Variants in NCK2 observed in about 807,000 individuals in gnomAD.
NCK2 encodes the protein cytoplasmic protein NCK2.
NCK2 carries 16 observed loss-of-function variants against 33.9 expected under a neutral mutation model. That is an observed-to-expected ratio of 0.47 (90% CI 0.32 to 0.72). The LOEUF (loss-of-function observed/expected upper bound fraction) is 0.72, where lower values mean the gene tolerates loss of function less well. NCK2 is among the 30% of genes least tolerant of loss of function. The pLI, the probability that NCK2 is intolerant of heterozygous loss-of-function variation, is 0.03. For synonymous variants in NCK2, 273 were observed against 239.9 expected (o/e 1.14, Z -1.27); for missense variants, 418 against 537.3 (o/e 0.78, Z 2.19).
intron 1 of NCK2, among the ~76,000 whole-genome samples, 179 bp downstream of exon 1, chr2:105,745,317 G>T (rs954469231): frequency 1.3e-5 from 2 of 151,692 alleles, no homozygotes; most frequent in African/African-American, 2.4e-5. Context: ...CCCCGACCGC[G>T]GACTGCCGGG....
intron 1 of NCK2, among the ~76,000 whole-genome samples, chr2:105,799,124 G>A (rs533368368): frequency 6.6e-6 from 1 of 152,108 alleles, no homozygotes; most frequent in Non-Finnish European, 1.5e-5. Context: ...TGTCCTTCGT[G>A]TCCTAAGTTG....
intron 2 of NCK2, among the ~76,000 whole-genome samples, chr2:105,828,575 T>C (rs2104515581): frequency 6.6e-6 from 1 of 152,332 alleles, no homozygotes; most frequent in Non-Finnish European, 1.5e-5. Context: ...TAGAAGGCTC[T>C]GCAAATCATG....
chr2:105,816,649 C>A (rs1029226856), intron 2 of NCK2, 36 bp downstream of exon 2: 2 of 152,194 alleles, frequency 1.3e-5, no homozygotes, highest in African/African-American at 4.8e-5. Flanking sequence ...ACAGAAGTTG[C>A]AGCTTTTTGC....
intron 2 of NCK2, among the ~76,000 whole-genome samples, chr2:105,835,984 C>A (rs912319011): frequency 1.3e-5 from 2 of 150,758 alleles, no homozygotes; most frequent in African/African-American, 2.5e-5. Flanking sequence ...TGATAAATAT[C>A]TCTGTTGAAT....
At chr2:105,887,628 G>A (rs958984471) in intron 4 of NCK2, among the ~76,000 whole-genome samples, 2 of 152,206 alleles carry the variant, frequency 1.3e-5, no homozygotes, top group African/African-American at 4.8e-5. Flanking sequence ...TGACTATTGT[G>A]CTTAGAAGAA....
chr2:105,778,592 C>T (rs1250876657), intron 1 of NCK2, among the ~76,000 whole-genome samples: 1 of 152,254 alleles, frequency 6.6e-6, no homozygotes, highest in East Asian at 1.9e-4. Flanking sequence ...ATGCTGGTGG[C>T]TGCGTGAACC....
Position 105,894,020 on chromosome 2 carries a change from C to CACACTA in NCK2, c.*844_*845insACACTA, listed in dbSNP as rs1553464584. On this transcript the variant is annotated 3_prime_UTR_variant, in exon 5 of 5. Transcript: ENST00000233154. Reference sequence around the variant, plus strand: ...ACGTGCACACACACACACACACACACTATATATATATATATTATTTACAGG... The same window carrying CACACTA: ...ACGTGCACACACACACACACACACACACACTATATATATATATATATTATTTACAGG... The CACACTA allele has an allele frequency of 3.4e-4, 29 of 85,724 alleles. No homozygotes were observed. Among genetic ancestry groups the CACACTA allele is most frequent in the Non-Finnish European group, 5.1e-4 (19 of 37,118 alleles). 5.3% of individuals were successfully genotyped at this position (85,724 alleles called of 1,614,324 possible). A position where few individuals can be genotyped will look rare whatever the true frequency, so the allele number is the denominator to read the frequency against.
intron 4 of NCK2, among the ~76,000 whole-genome samples, chr2:105,892,365 G>A (rs1274003171): frequency 6.6e-6 from 1 of 152,194 alleles, no homozygotes; most frequent in East Asian, 1.9e-4. Context: ...GGGCAACACT[G>A]TATATTCCAT....
At chr2:105,817,019 G>A (rs529373796) in intron 2 of NCK2, among the ~76,000 whole-genome samples, 1 of 152,122 alleles carries the variant, frequency 6.6e-6, no homozygotes, top group South Asian at 2.1e-4. Context: ...ATAAATCTGT[G>A]TCAAAGGATA....
In NCK2 at chr2:105,881,536, C is replaced by T. The variant is rs1490413136; in HGVS notation, c.435C>T (p.Ser145=). Residue 145 remains serine, a synonymous_variant, in exon 4 of 5, where the codon AGC becomes AGT. Coordinates refer to ENST00000233154, the MANE Select transcript of NCK2 (RefSeq NM_003581.5). ...GCGTCACCGTCATGGAGAAGTGCAG[C>T]GACGGTTGGTGGCGGGGCAGCTACA... ...GSRVTVMEKC[S]DGWWRGSYNG... The T allele has an allele frequency of 3.1e-6, 5 of 1,613,924 alleles. No individual in the cohort carries two copies. Among genetic ancestry groups the T allele is most frequent in the Admixed American group, 1.7e-5 (1 of 60,014 alleles).
rs1325735039 is a variant in NCK2, at chr2:105,828,437, T to C, written c.-17+11824T>C. On this transcript the variant is annotated intron_variant, in intron 2 of 4. Coordinates refer to ENST00000233154, the MANE Select transcript of NCK2 (RefSeq NM_003581.5). Reference sequence around the variant, plus strand: ...TAAAAAATGGCACTGACCACAAGAATACTACAATTAAAGCCCCATGACAGC... The same window carrying C: ...TAAAAAATGGCACTGACCACAAGAACACTACAATTAAAGCCCCATGACAGC... Among the ~76,000 whole-genome samples, 4 of 152,140 alleles carry C rather than the reference T, an allele frequency of 2.6e-5. No individual in the cohort carries two copies. The East Asian group carries it at 7.7e-4, about 29-fold the overall frequency.
intron 1 of NCK2, among the ~76,000 whole-genome samples, chr2:105,794,695 TTTTA>T (rs72401438): frequency 0.79 from 116,744 of 148,132 alleles, 46,250 homozygotes; most frequent in Middle Eastern, 0.88. Context: ...TAGTTTATTA[TTTTA>T]TTTATTTATT....
At chr2:105,865,596 G>T (rs1558876711) in intron 3 of NCK2, among the ~76,000 whole-genome samples, 1 of 152,190 alleles carries the variant, frequency 6.6e-6, no homozygotes, top group East Asian at 1.9e-4. Context: ...CTGGACCCTA[G>T]GGATTCACGT....
chr2:105,843,336 G>A (rs1676721081), intron 2 of NCK2, among the ~76,000 whole-genome samples: 1 of 151,242 alleles, frequency 6.6e-6, no homozygotes, highest in Non-Finnish European at 1.5e-5. Context: ...GAGCATTTTG[G>A]ATTTTGGAGT....
chr2:105,750,033 A>AAAAAACAC (rs1689403035), intron 1 of NCK2, among the ~76,000 whole-genome samples: 2 of 44,220 alleles, frequency 4.5e-5, no homozygotes, highest in Non-Finnish European at 1.1e-4. Context: ...CTCAAAAGCA[A>AAAAAACAC]ACAAACACAC....
intron 1 of NCK2, among the ~76,000 whole-genome samples, chr2:105,784,608 A>G (rs915084728): frequency 6.6e-6 from 1 of 152,208 alleles, no homozygotes; most frequent in African/African-American, 2.4e-5. Context: ...CATTTCTATA[A>G]TAATCACATT....
intron 1 of NCK2, among the ~76,000 whole-genome samples, chr2:105,791,468 T>C (rs714068): frequency 0.81 from 123,306 of 152,172 alleles, 50,177 homozygotes; most frequent in East Asian, 0.89. Flanking sequence ...CTCGCCCCGT[T>C]GCCGTGCTTA....
At chr2:105,768,499 A>G (rs915838411) in intron 1 of NCK2, among the ~76,000 whole-genome samples, 10 of 152,170 alleles carry the variant, frequency 6.6e-5, no homozygotes, top group African/African-American at 2.4e-4. Context: ...TGGGGTTCCC[A>G]TGACCTCACT....
intron 1 of NCK2, among the ~76,000 whole-genome samples, chr2:105,786,147 A>G (rs1175035730): frequency 6.6e-6 from 1 of 152,232 alleles, no homozygotes; most frequent in Non-Finnish European, 1.5e-5. Context: ...TGTTGTGTCT[A>G]GGGCAGCATG....
Sources: gnomAD v4.1 joint callset for allele counts (sites outside exome capture counted in the v4.1 genomes callset) on GRCh38, gnomAD v4.1.1 for gene constraint, MANE v1.5 for transcripts, NCBI Gene and HGNC (gene_info 2026-07-23, HGNC 2026-07-21) for gene names.